Variants in ANKRD55 observed in about 807,000 individuals in gnomAD.
ANKRD55 encodes ankyrin repeat domain-containing protein 55.
Under a neutral mutation model 60.6 loss-of-function variants are expected in ANKRD55, and 41 were observed. The ratio of observed to expected loss-of-function variants is 0.68; its 90% CI spans 0.53 to 0.88. The LOEUF (loss-of-function observed/expected upper bound fraction) is 0.88. Among genes scored for constraint, ANKRD55 ranks in the 40% least tolerant of loss-of-function variants. The pLI is 0.00. For synonymous variants in ANKRD55, 264 were observed against 290.3 expected (o/e 0.91, Z 0.92); for missense variants, 732 against 767.6 (o/e 0.95, Z 0.55).
intron 6 of ANKRD55, among the ~76,000 whole-genome samples, chr5:56,153,048 T>C (rs1290579426): frequency 6.6e-6 from 1 of 152,152 alleles, no homozygotes; most frequent in African/African-American, 2.4e-5. Context: ...CAGCAAAGCA[T>C]TAATATTCAG....
Position 56,187,881 on chromosome 5 carries a change from G to A in ANKRD55, c.59-4247C>T, listed in dbSNP as rs77247024. ...CTGGCTACCATCTTGGAAGCCCCCCGCCACCATCTTCGGAGCTCTAAGAAC... is the reference window on the plus strand; with the variant it reads ...CTGGCTACCATCTTGGAAGCCCCCCACCACCATCTTCGGAGCTCTAAGAAC... On this transcript the variant is annotated intron_variant, in intron 2 of 11. Transcript: ENST00000341048. Among the ~76,000 whole-genome samples, 73 of 150,320 alleles carry A rather than the reference G, an allele frequency of 4.9e-4. 1 individual carries two copies. In the East Asian group the frequency reaches 0.012, roughly 25 times the overall value.
chr5:56,166,141 T>TC (rs1245745215), intron 5 of ANKRD55, among the ~76,000 whole-genome samples: 9 of 101,496 alleles, frequency 8.9e-5, no homozygotes, highest in African/African-American at 4.6e-4. Flanking sequence ...TTTCTTTCTT[T>TC]CTTTCTTTCT....
At chr5:56,139,361 C>T (rs1304717638) in intron 7 of ANKRD55, among the ~76,000 whole-genome samples, 1 of 152,148 alleles carries the variant, frequency 6.6e-6, no homozygotes, top group Non-Finnish European at 1.5e-5. Context: ...CCCTTAGGTC[C>T]ACAGTCTAGA....
At chr5:56,210,540 G>A (rs971953230) in intron 2 of ANKRD55, among the ~76,000 whole-genome samples, 2 of 129,100 alleles carry the variant, frequency 1.5e-5, no homozygotes, top group Admixed American at 1.0e-4. Context: ...CAGCCTGGGC[G>A]ACAGAGCGAG....
chr5:56,226,638 C>T (rs1760116909), intron 2 of ANKRD55, among the ~76,000 whole-genome samples: 1 of 152,108 alleles, frequency 6.6e-6, no homozygotes, highest in Non-Finnish European at 1.5e-5. Flanking sequence ...AACAAATTTA[C>T]AAGAAAAAAT....
chr5:56,173,134 C>A (rs772160386), intron 4 of ANKRD55, among the ~76,000 whole-genome samples: 1 of 152,210 alleles, frequency 6.6e-6, no homozygotes, highest in Non-Finnish European at 1.5e-5. Context: ...CCTACAACTT[C>A]CTCTTCATTC....
At chr5:56,231,460 C>T (rs1306742997) in intron 2 of ANKRD55, among the ~76,000 whole-genome samples, 1 of 152,122 alleles carries the variant, frequency 6.6e-6, no homozygotes, top group Non-Finnish European at 1.5e-5. Context: ...TTGTATGTTT[C>T]GTGGCTTAGC....
At chr5:56,179,999 G>A (rs934496336) in intron 3 of ANKRD55, among the ~76,000 whole-genome samples, 2 of 152,160 alleles carry the variant, frequency 1.3e-5, no homozygotes, top group Non-Finnish European at 2.9e-5. Context: ...ATAAAGAGAA[G>A]AATTTTATTT....
chr5:56,102,046 C>T (rs534578963), intron 11 of ANKRD55, among the ~76,000 whole-genome samples: 46 of 152,172 alleles, frequency 3.0e-4, no homozygotes, highest in Non-Finnish European at 5.7e-4. Context: ...AAGATGGTCT[C>T]TGTTTTCCTG....
At chr5:56,174,796 C>T (rs1758701602) in intron 4 of ANKRD55, among the ~76,000 whole-genome samples, 1 of 146,140 alleles carries the variant, frequency 6.8e-6, no homozygotes, top group Non-Finnish European at 1.5e-5. Flanking sequence ...CGCACCACTG[C>T]ACTCCAGCCT....
chr5:56,117,255 A>G (rs1038818106), intron 8 of ANKRD55, among the ~76,000 whole-genome samples: 16 of 152,160 alleles, frequency 1.1e-4, no homozygotes, highest in African/African-American at 3.4e-4. Context: ...TAAGGTTTGA[A>G]CTTTTGAAAT....
chr5:56,188,547 T>C (rs983124703), intron 2 of ANKRD55, among the ~76,000 whole-genome samples: 1 of 152,202 alleles, frequency 6.6e-6, no homozygotes, highest in African/African-American at 2.4e-5. Context: ...AGATATCCAG[T>C]CTTCCAGCAC....
At chr5:56,134,638 A>G (rs1297193517) in intron 7 of ANKRD55, among the ~76,000 whole-genome samples, 1 of 152,096 alleles carries the variant, frequency 6.6e-6, no homozygotes, top group Non-Finnish European at 1.5e-5. Context: ...TAAAATGGAA[A>G]TATGAGGCTC....
intron 2 of ANKRD55, among the ~76,000 whole-genome samples, chr5:56,215,134 TAG>T (rs1759771855): frequency 6.6e-6 from 1 of 152,114 alleles, no homozygotes; most frequent in Admixed American, 6.6e-5. Flanking sequence ...TTTACAGGGT[TAG>T]AGATTTCTGA....
Position 56,099,991 on chromosome 5 carries a change from C to A in ANKRD55, c.*192G>T. The A allele has an allele frequency of 1.5e-6, 1 of 677,728 alleles. No homozygotes were observed. The highest frequency in any genetic ancestry group is 2.4e-6 in the Non-Finnish European group (1 of 415,146). 42.0% of individuals were successfully genotyped at this position (677,728 alleles called of 1,614,324 possible). A position where few individuals can be genotyped will look rare whatever the true frequency, so the allele number is the denominator to read the frequency against. The stretch of plus-strand genomic sequence containing the variant: ...CACAGAAATTCACAGACTTAATATG[C>A]ACACCCAAATATTCTAAGTGCTTAT... On this transcript the variant is annotated 3_prime_UTR_variant, in exon 12 of 12. Transcript: ENST00000341048.
Position 56,179,157 on chromosome 5 carries a change from T to C in ANKRD55, c.182-2875A>G, listed in dbSNP as rs553671765. 5.6e-4 allele frequency among the ~76,000 whole-genome samples: 85 copies of C among 152,262 alleles called. No homozygotes were observed. The South Asian group carries it at 7.7e-3, about 14-fold the overall frequency. On this transcript the variant is annotated intron_variant, in intron 3 of 11. Transcript: ENST00000341048. ...AAATGAACATTAATAGAGAAATACA[T>C]AAATTATATTTATGCAAAGAAGTGT...
chr5:56,215,904 C>T (rs1462145032), intron 2 of ANKRD55, among the ~76,000 whole-genome samples: 1 of 151,794 alleles, frequency 6.6e-6, no homozygotes, highest in Non-Finnish European at 1.5e-5. Context: ...TCTCCTGTTT[C>T]TCTTTGGAGG....
chr5:56,205,974 G>GTTT (rs367698877), intron 2 of ANKRD55, among the ~76,000 whole-genome samples: 14,821 of 134,860 alleles, frequency 0.11, 2,097 homozygotes, highest in African/African-American at 0.32. Flanking sequence ...TTTCTTTCTT[G>GTTT]TTTTTTTTTT....
chr5:56,133,502 C>T (rs1757482204), intron 7 of ANKRD55, among the ~76,000 whole-genome samples: 1 of 103,940 alleles, frequency 9.6e-6, no homozygotes, highest in African/African-American at 3.2e-5. Flanking sequence ...CTTCATCTAA[C>T]AGCAAAATAC....
Sources: allele counts gnomAD v4.1 joint callset (sites outside exome capture counted in the v4.1 genomes callset), GRCh38; gene constraint gnomAD v4.1.1; transcripts MANE v1.5; gene names NCBI Gene and HGNC (gene_info 2026-07-23, HGNC 2026-07-21).